Variants in LMNTD1 observed in about 807,000 individuals in gnomAD.
The protein encoded by LMNTD1 is lamin tail domain-containing protein 1.
LMNTD1 carries 35 observed loss-of-function variants against 50.9 expected under a neutral mutation model. The ratio of observed to expected loss-of-function variants is 0.69; its 90% CI spans 0.53 to 0.91. The LOEUF is 0.91. LMNTD1 is among the 40% of genes least tolerant of loss of function. The pLI is 0.00. For missense variants in LMNTD1, 470 were observed against 475.5 expected (o/e 0.99, Z 0.11); for synonymous variants, 153 against 161.9 (o/e 0.94, Z 0.42).
chr12:25,569,419 G>A (rs1379476994), intron 1 of LMNTD1, among the ~76,000 whole-genome samples: 1 of 152,162 alleles, frequency 6.6e-6, no homozygotes, highest in African/African-American at 2.4e-5. Context: ...TAGGTAGAAG[G>A]AGACAAGTCT....
At chr12:25,643,390 T>C (rs1317628749) in intron 1 of LMNTD1, among the ~76,000 whole-genome samples, 1 of 152,060 alleles carries the variant, frequency 6.6e-6, no homozygotes, top group Non-Finnish European at 1.5e-5. Context: ...GCCAGTGTGC[T>C]GAGTAAGCAA....
chr12:25,551,604 T>G (rs1198983478), intron 2 of LMNTD1, among the ~76,000 whole-genome samples: 2 of 152,192 alleles, frequency 1.3e-5, no homozygotes, highest in Non-Finnish European at 2.9e-5. Context: ...TTGCCCGGGC[T>G]GTCTCTAATA....
At chr12:25,645,385 T>C (rs1947046380) in intron 1 of LMNTD1, among the ~76,000 whole-genome samples, 1 of 151,998 alleles carries the variant, frequency 6.6e-6, no homozygotes, top group East Asian at 1.9e-4. Flanking sequence ...GCAATGGAGA[T>C]GTGAGGGTAA....
At chr12:25,599,053 G>A (rs7314844) in intron 1 of LMNTD1, among the ~76,000 whole-genome samples, 43,849 of 151,794 alleles carry the variant, frequency 0.29, 8,071 homozygotes, top group East Asian at 0.86. Context: ...ATATTTATGC[G>A]AAAGTCCTCA....
chr12:25,567,537 G>A (rs1481574039), intron 1 of LMNTD1, among the ~76,000 whole-genome samples: 1 of 152,196 alleles, frequency 6.6e-6, no homozygotes, highest in Admixed American at 6.5e-5. Flanking sequence ...GTAATCCCCA[G>A]TGTGGATGAG....
rs192437605 is a variant in LMNTD1 at position 25,526,896 on chromosome 12, A to G, written c.551T>C (p.Ile184Thr). The G allele has an allele frequency of 3.7e-6, 6 of 1,613,116 alleles. No homozygotes were observed. The Admixed American group carries it at 6.7e-5, about 18-fold the overall frequency. Residue 184 changes from isoleucine (I) to threonine (T), a missense_variant, in exon 5 of 10, where the codon ATT becomes ACT. Transcript: ENST00000458174. ...VNVKGLFVKL[I>T]NSSLDKEMAI... is the part of the protein sequence containing the mutation. ...CATTTCTTTGTCAAGGGAAGAGTTA[A>G]TGAGCTTCACGAACAAACCCTTGAC... is the stretch of plus-strand genomic sequence containing the variant.
Position 25,582,697 on chromosome 12 carries a change from C to T in LMNTD1, c.59-36143G>A, listed in dbSNP as rs368934623. 8.3e-4 allele frequency among the ~76,000 whole-genome samples: 127 copies of T among 152,272 alleles called. 1 individual carries two copies. Among genetic ancestry groups the T allele is most frequent in the African/African-American group, 3.0e-3 (125 of 41,552 alleles). On this transcript the variant is annotated intron_variant, in intron 1 of 7. Coordinates refer to the LMNTD1 transcript ENST00000445693. ...CTATAAGCAGAGTTATGTGAGAAATCATCTGTATTTGATTTTCATAATCAT... is the reference window on the plus strand; with the variant it reads ...CTATAAGCAGAGTTATGTGAGAAATTATCTGTATTTGATTTTCATAATCAT...
chr12:25,555,658 T>C (rs546322988), upstream of LMNTD1, among the ~76,000 whole-genome samples: 40 of 152,204 alleles, frequency 2.6e-4, no homozygotes, highest in Non-Finnish European at 5.4e-4. Flanking sequence ...TAAAATGATA[T>C]GACGTCCTCT....
At chr12:25,585,205 G>C (rs540625384) in intron 1 of LMNTD1, among the ~76,000 whole-genome samples, 2 of 152,080 alleles carry the variant, frequency 1.3e-5, no homozygotes, top group African/African-American at 2.4e-5. Context: ...CTTCATAAAG[G>C]CTCACCCTCA....
chr12:25,625,658 A>G (rs1946573912), intron 1 of LMNTD1, among the ~76,000 whole-genome samples: 1 of 151,974 alleles, frequency 6.6e-6, no homozygotes, highest in African/African-American at 2.4e-5. Context: ...CCGGCTTACT[A>G]CTCATCTTTC....
At chr12:25,547,251 GGAAA>G (rs1943486754) in intron 3 of LMNTD1, 3 of 810,300 alleles carry the variant, frequency 3.7e-6, no homozygotes, top group Non-Finnish European at 4.5e-6. Context: ...GTGATGAAGT[GGAAA>G]GAACAACGTG....
At chr12:25,506,061 A>C (rs1343327653) in intron 8 of LMNTD1, among the ~76,000 whole-genome samples, 1 of 152,220 alleles carries the variant, frequency 6.6e-6, no homozygotes, top group African/African-American at 2.4e-5. Context: ...TATGGGAAAA[A>C]TATACTTTGA....
chr12:25,634,605 A>G (rs1023171063), intron 1 of LMNTD1, among the ~76,000 whole-genome samples: 3 of 152,238 alleles, frequency 2.0e-5, no homozygotes, highest in Non-Finnish European at 2.9e-5. Flanking sequence ...ATAAATGCAG[A>G]AAAAGCATTC....
intron 8 of LMNTD1, among the ~76,000 whole-genome samples, chr12:25,514,520 G>A (rs1166057401): frequency 2.7e-5 from 4 of 150,418 alleles, no homozygotes; most frequent in Non-Finnish European, 5.9e-5. Context: ...GGGTAGTGGG[G>A]GATTTGCAGG....
chr12:25,644,424 G>A (rs1007199940), intron 1 of LMNTD1, among the ~76,000 whole-genome samples: 2 of 151,900 alleles, frequency 1.3e-5, no homozygotes, highest in Admixed American at 1.3e-4. Context: ...GGTTGAGGCT[G>A]CAGGGTGCTG....
chr12:25,643,878 C>G (rs751741721), intron 1 of LMNTD1, among the ~76,000 whole-genome samples: 14 of 152,110 alleles, frequency 9.2e-5, no homozygotes, highest in South Asian at 2.1e-4. Context: ...TGGCACATAG[C>G]TGACATTTAT....
intron 1 of LMNTD1, among the ~76,000 whole-genome samples, chr12:25,639,093 C>T (rs1275660368): frequency 6.6e-6 from 1 of 151,988 alleles, no homozygotes; most frequent in Non-Finnish European, 1.5e-5. Flanking sequence ...CAAATTATAC[C>T]CAGATAACTA....
At chr12:25,502,084 C>G (rs1450518033) in intron 9 of LMNTD1, among the ~76,000 whole-genome samples, 2 of 152,078 alleles carry the variant, frequency 1.3e-5, no homozygotes, top group Admixed American at 1.3e-4. Context: ...CAGAGAGGAT[C>G]AATGAACAAG....
chr12:25,558,969 T>A (rs1944157639), intron 1 of LMNTD1, among the ~76,000 whole-genome samples: 1 of 150,872 alleles, frequency 6.6e-6, no homozygotes, highest in Non-Finnish European at 1.5e-5. Flanking sequence ...GACTTACAGT[T>A]TTTTTTTTTG....
Sources: gnomAD v4.1 joint callset for allele counts (sites outside exome capture counted in the v4.1 genomes callset) on GRCh38, gnomAD v4.1.1 for gene constraint, MANE v1.5 for transcripts, NCBI Gene and HGNC (gene_info 2026-07-23, HGNC 2026-07-21) for gene names.